Variants in PXDNL observed in about 807,000 individuals in gnomAD.
PXDNL encodes peroxidasin like.
In PXDNL, 145 loss-of-function variants were observed where a neutral mutation model predicts 150.8. The observed-to-expected ratio is 0.96, with a 90% CI of 0.84 to 1.10. The LOEUF (loss-of-function observed/expected upper bound fraction) is 1.10. Among genes scored for constraint, PXDNL ranks in the 50% least tolerant of loss-of-function variants. The pLI, the probability that PXDNL is intolerant of heterozygous loss-of-function variation, is 0.00. For synonymous variants in PXDNL, 757 were observed against 725.7 expected (o/e 1.04, Z -0.69); for missense variants, 2,087 against 1,873.9 (o/e 1.11, Z -2.10).
intron 8 of PXDNL, among the ~76,000 whole-genome samples, chr8:51,466,014 AAT>A (rs1466972016): frequency 6.6e-6 from 1 of 152,214 alleles, no homozygotes; most frequent in Admixed American, 6.5e-5. Flanking sequence ...TCAAAACACC[AAT>A]GTCATTTTTC....
intron 4 of PXDNL, among the ~76,000 whole-genome samples, chr8:51,510,258 C>A (rs1196041922): frequency 6.6e-6 from 1 of 152,134 alleles, no homozygotes; most frequent in East Asian, 1.9e-4. Flanking sequence ...TAGTTTTCAC[C>A]TTTATTGACC....
At chr8:51,484,411 G>C (rs183463128) in intron 5 of PXDNL, among the ~76,000 whole-genome samples, 141 of 148,472 alleles carry the variant, frequency 9.5e-4, no homozygotes, top group African/African-American at 3.0e-3. Context: ...CTTCAGCCTG[G>C]GTGACAGAGC....
At chr8:51,534,987 C>T (rs868852903) in intron 4 of PXDNL, among the ~76,000 whole-genome samples, 1,782 of 113,708 alleles carry the variant, frequency 0.016, 39 homozygotes, top group Middle Eastern at 0.034. Flanking sequence ...GCCCCCCGCC[C>T]GGCCAGCCGC....
intron 16 of PXDNL, among the ~76,000 whole-genome samples, chr8:51,410,969 T>C (rs1017260698): frequency 1.3e-5 from 2 of 152,220 alleles, no homozygotes; most frequent in African/African-American, 4.8e-5. Flanking sequence ...ATAATATCTT[T>C]TACATTTGAA....
intron 4 of PXDNL, among the ~76,000 whole-genome samples, chr8:51,550,665 A>G (rs1451571856): frequency 1.3e-5 from 2 of 152,182 alleles, no homozygotes; most frequent in African/African-American, 2.4e-5. Context: ...TGAAATTTGC[A>G]TAGAAGGGAA....
At chr8:51,694,862 T>C (rs1563509324) in intron 1 of PXDNL, among the ~76,000 whole-genome samples, 1 of 152,210 alleles carries the variant, frequency 6.6e-6, no homozygotes, top group Non-Finnish European at 1.5e-5. Flanking sequence ...TACATCCAAA[T>C]CTTATGATGT....
chr8:51,600,291 TTATATAAATTATA>T (rs1813672155), intron 2 of PXDNL, among the ~76,000 whole-genome samples: 1 of 99,722 alleles, frequency 1.0e-5, no homozygotes, highest in Non-Finnish European at 2.0e-5. Flanking sequence ...AAATTATATC[TTATATAAATTATA>T]TGGTTTAGAT....
At chr8:51,728,049 C>T (rs368770411) in intron 1 of PXDNL, among the ~76,000 whole-genome samples, 6 of 152,134 alleles carry the variant, frequency 3.9e-5, no homozygotes, top group Non-Finnish European at 8.8e-5. Context: ...CACCACATAA[C>T]GATGTTTCAG....
chr8:51,675,622 GTCTC>G (rs1815598519), intron 1 of PXDNL, among the ~76,000 whole-genome samples: 1 of 151,748 alleles, frequency 6.6e-6, no homozygotes, highest in Admixed American at 6.6e-5. Context: ...GTGAAACCCT[GTCTC>G]TACTAAAAAT....
At chr8:51,716,214 T>G (rs750506153) in intron 1 of PXDNL, among the ~76,000 whole-genome samples, 1 of 152,264 alleles carries the variant, frequency 6.6e-6, no homozygotes, top group African/African-American at 2.4e-5. Context: ...GGCAAGATCC[T>G]AATGAACAAA....
At position 51,483,665 on chromosome 8, in the gene PXDNL, T is replaced by A; in HGVS notation, c.502A>T (p.Asn168Tyr). The change falls in exon 6 of 23, where the codon AAT (asparagine) becomes TAT (tyrosine). Residue 168 changes from asparagine (N) to tyrosine (Y), a missense_variant. Coordinates refer to ENST00000356297, the MANE Select transcript of PXDNL (RefSeq NM_144651.5). ...LSKIPAGSFSNLDSLKRLRLD... is the reference protein window; with the variant it reads ...LSKIPAGSFSYLDSLKRLRLD... ...TACAATCTTTTTAATGAATCCAGAT[T>A]AGAAAAGCTCCCAGCTGGAATTTTA... 1 of 1,524,502 alleles carries A rather than the reference T, an allele frequency of 6.6e-7. No homozygotes were observed. The highest frequency in any genetic ancestry group is 8.9e-7 in the Non-Finnish European group (1 of 1,125,574). The allele number at this position is 1,524,502 out of a possible 1,614,324, so 94.4% of individuals were successfully genotyped here.
At chr8:51,394,291 G>A (rs548870097) in intron 17 of PXDNL, among the ~76,000 whole-genome samples, 2 of 152,204 alleles carry the variant, frequency 1.3e-5, no homozygotes, top group East Asian at 3.9e-4. Flanking sequence ...AAATATGAAG[G>A]AAATATTATT....
intron 12 of PXDNL, among the ~76,000 whole-genome samples, chr8:51,428,090 A>G (rs1809157714): frequency 6.6e-6 from 1 of 152,212 alleles, no homozygotes; most frequent in Non-Finnish European, 1.5e-5. Flanking sequence ...GAACATATGG[A>G]CATAGATCTT....
chr8:51,584,588 G>T (rs1307969144), intron 3 of PXDNL, among the ~76,000 whole-genome samples: 1 of 152,154 alleles, frequency 6.6e-6, no homozygotes, highest in Non-Finnish European at 1.5e-5. Context: ...CATGCAGCGG[G>T]ACGTATTTTC....
At chr8:51,419,426 T>C (rs560991775) in intron 14 of PXDNL, among the ~76,000 whole-genome samples, 8 of 152,314 alleles carry the variant, frequency 5.3e-5, no homozygotes, top group East Asian at 1.9e-4. Context: ...CATGGAAACA[T>C]AGAAATTCTA....
chr8:51,634,023 C>A (rs1277327657), intron 2 of PXDNL, among the ~76,000 whole-genome samples: 1 of 151,970 alleles, frequency 6.6e-6, no homozygotes, highest in Admixed American at 6.6e-5. Flanking sequence ...GTTGCAATTG[C>A]TTTTGAGGAC....
chr8:51,380,456 T>A (rs1807497595), intron 17 of PXDNL, among the ~76,000 whole-genome samples: 1 of 152,188 alleles, frequency 6.6e-6, no homozygotes, highest in Non-Finnish European at 1.5e-5. Flanking sequence ...CCTGAGAATG[T>A]TCGTTGTCTC....
At position 51,320,863 on chromosome 8, in the gene PXDNL, C is replaced by G. The variant is rs868032388; in HGVS notation, c.4181G>C (p.Gly1394Ala). 2 of 1,613,870 alleles carry G rather than the reference C, an allele frequency of 1.2e-6. No individual in the cohort carries two copies. The highest frequency in any genetic ancestry group is 2.2e-5 in the South Asian group (2 of 91,080). The change falls in exon 22 of 23, where the codon GGG becomes GCG. Residue 1394 changes from glycine to alanine, a missense_variant. Transcript: ENST00000356297. ...NKLEARLRQA[G>A]CTDVRGVPRK... ...TGGAACCCCTCTAACATCTGTACAC[C>G]CTGCCTGCCTCAGGCGTGCCTCCAG...
chr8:51,331,270 T>G (rs1805678986), intron 21 of PXDNL, among the ~76,000 whole-genome samples: 1 of 152,026 alleles, frequency 6.6e-6, no homozygotes, highest in Non-Finnish European at 1.5e-5. Flanking sequence ...CTGAGTTGAG[T>G]TAGAGAGCCA....
Sources: allele counts gnomAD v4.1 joint callset (sites outside exome capture counted in the v4.1 genomes callset), GRCh38; gene constraint gnomAD v4.1.1; transcripts MANE v1.5; gene names NCBI Gene and HGNC (gene_info 2026-07-23, HGNC 2026-07-21).